Variants in PTPRT observed in about 807,000 individuals in gnomAD.
PTPRT encodes receptor-type tyrosine-protein phosphatase T.
A neutral mutation model predicts 176.8 loss-of-function variants in PTPRT; 56 were observed. The observed-to-expected ratio is 0.32, with a 90% CI of 0.26 to 0.40. PTPRT has a LOEUF of 0.40. Among genes scored for constraint, PTPRT ranks in the 10% least tolerant of loss-of-function variants. The pLI is 1.00. For synonymous variants in PTPRT, 783 were observed against 739.0 expected, an observed-to-expected ratio of 1.06 and a Z score of -0.96; for missense variants, 1,540 against 1,908.2, an observed-to-expected ratio of 0.81 and a Z score of 3.60.
intron 1 of PTPRT, among the ~76,000 whole-genome samples, chr20:43,178,421 T>C (rs77790948): frequency 0.043 from 6,485 of 152,236 alleles, 192 homozygotes; most frequent in Non-Finnish European, 0.066. Context: ...ATTTCTGAGC[T>C]GAAAGCCACT....
intron 16 of PTPRT, among the ~76,000 whole-genome samples, chr20:42,189,487 T>C (rs1990910163): frequency 6.6e-6 from 1 of 152,196 alleles, no homozygotes; most frequent in Non-Finnish European, 1.5e-5. Context: ...CTAAAATGCT[T>C]GGCATAGAGT....
chr20:42,390,672 G>A (rs560416002), intron 9 of PTPRT, among the ~76,000 whole-genome samples: 34 of 152,286 alleles, frequency 2.2e-4, no homozygotes, highest in African/African-American at 7.2e-4. Flanking sequence ...TATTGGAAGT[G>A]GATCCCCCAG....
rs147797699 is a variant in PTPRT at position 42,525,076 on chromosome 20, C to T, written c.1154-52514G>A. ...GATTACTGATCACCGCAGCCTGTACCTCCCGGGCCCAAGCTATTCTTCCAC... is the reference window on the plus strand; with the variant it reads ...GATTACTGATCACCGCAGCCTGTACTTCCCGGGCCCAAGCTATTCTTCCAC... On this transcript the variant is annotated intron_variant, in intron 7 of 30. Coordinates refer to ENST00000373187, the MANE Select transcript of PTPRT (RefSeq NM_007050.6). Among the ~76,000 whole-genome samples the T allele has an allele frequency of 4.6e-3, 697 of 152,262 alleles. 4 individuals are homozygous for T. The highest frequency in any genetic ancestry group is 0.016 in the African/African-American group (665 of 41,542).
chr20:43,084,736 C>A (rs578176104), intron 1 of PTPRT, among the ~76,000 whole-genome samples: 1 of 152,014 alleles, frequency 6.6e-6, no homozygotes, highest in Non-Finnish European at 1.5e-5. Context: ...AAAAAATAAG[C>A]ATGTAGATAA....
In PTPRT at chr20:42,093,434, C is replaced by G. The variant is rs1296176863; in HGVS notation, c.3846+4987G>C. 2.0e-5 allele frequency among the ~76,000 whole-genome samples: 3 copies of G among 147,882 alleles called. No individual in the cohort carries two copies. In the East Asian group the frequency reaches 6.0e-4, roughly 30 times the overall value. Reference sequence around the variant, plus strand: ...GCCTTTATTTTGAGCCCTCATTGATCATAATTACCTTTGAACAGCAACCAC... The same window carrying G: ...GCCTTTATTTTGAGCCCTCATTGATGATAATTACCTTTGAACAGCAACCAC... On this transcript the variant is annotated intron_variant, in intron 27 of 30. Coordinates refer to ENST00000373187, the MANE Select transcript of PTPRT (RefSeq NM_007050.6).
intron 6 of PTPRT, among the ~76,000 whole-genome samples, chr20:42,683,848 T>A (rs1432960328): frequency 1.3e-5 from 2 of 152,210 alleles, no homozygotes; most frequent in Non-Finnish European, 2.9e-5. Flanking sequence ...CAAATTTATT[T>A]TACCTTGACA....
In PTPRT at chr20:42,615,497, C is replaced by T. The variant is rs1483226419; in HGVS notation, c.1153+62369G>A. Among the ~76,000 whole-genome samples, 15 of 138,954 alleles carry T rather than the reference C, an allele frequency of 1.1e-4. 3 individuals carry two copies. Among genetic ancestry groups the T allele is most frequent in the Non-Finnish European group, 2.3e-4 (15 of 65,904 alleles). The allele number at this position is 138,954 out of a possible 152,430, so 91.2% of individuals were successfully genotyped here. A position where few individuals can be genotyped will look rare whatever the true frequency, so the allele number is the denominator to read the frequency against. On this transcript the variant is annotated intron_variant, in intron 7 of 30. Coordinates refer to ENST00000373187, the MANE Select transcript of PTPRT (RefSeq NM_007050.6). ...AAATGGTATTTCTAGTTCTACATCCCTGAGGAATCGCCACAGTGACTTCTA... is the reference window on the plus strand; with the variant it reads ...AAATGGTATTTCTAGTTCTACATCCTTGAGGAATCGCCACAGTGACTTCTA...
intron 13 of PTPRT, among the ~76,000 whole-genome samples, chr20:42,267,007 G>C (rs2056849564): frequency 1.3e-5 from 2 of 152,112 alleles, no homozygotes; most frequent in Non-Finnish European, 2.9e-5. Flanking sequence ...TAATTTTGCT[G>C]CATATAATAA....
At chr20:42,989,092 A>AT (rs1983753696) in intron 1 of PTPRT, among the ~76,000 whole-genome samples, 1 of 152,260 alleles carries the variant, frequency 6.6e-6, no homozygotes, top group East Asian at 1.9e-4. Flanking sequence ...GGCAAATGCC[A>AT]TCAGATTGGC....
At chr20:42,864,966 C>G (rs1247087551) in intron 2 of PTPRT, among the ~76,000 whole-genome samples, 1 of 152,138 alleles carries the variant, frequency 6.6e-6, no homozygotes, top group Non-Finnish European at 1.5e-5. Context: ...TGCCATCACC[C>G]AGAAAAGAAA....
intron 15 of PTPRT, among the ~76,000 whole-genome samples, chr20:42,218,238 C>A (rs1257645711): frequency 1.3e-5 from 2 of 152,158 alleles, no homozygotes. Flanking sequence ...AAAATGCTAA[C>A]TGGATTACAT....
chr20:42,233,897 T>C (rs893671499), intron 15 of PTPRT, among the ~76,000 whole-genome samples: 4 of 152,214 alleles, frequency 2.6e-5, no homozygotes, highest in African/African-American at 7.2e-5. Flanking sequence ...GTGTTTATCA[T>C]TGCACCTTCA....
chr20:42,966,697 C>T (rs770349557), intron 1 of PTPRT, among the ~76,000 whole-genome samples: 3 of 152,134 alleles, frequency 2.0e-5, no homozygotes, highest in Non-Finnish European at 2.9e-5. Context: ...CAGAGTTCTG[C>T]CAACATTATT....
At chr20:42,120,023 A>G in intron 19 of PTPRT, 52 bp from the exon 20 acceptor site, 1 of 1,504,190 alleles carries the variant, frequency 6.6e-7, no homozygotes, top group Non-Finnish European at 9.1e-7. Context: ...AAGCTTGCAA[A>G]CAGCACAATA....
chr20:43,110,993 C>G (rs1324004376), intron 1 of PTPRT, among the ~76,000 whole-genome samples: 2 of 152,108 alleles, frequency 1.3e-5, no homozygotes, highest in Admixed American at 6.5e-5. Flanking sequence ...AACAACAAAT[C>G]CATCCAATAT....
intron 5 of PTPRT, among the ~76,000 whole-genome samples, chr20:42,766,342 A>T (rs1317571516): frequency 6.6e-6 from 1 of 152,232 alleles, no homozygotes; most frequent in Non-Finnish European, 1.5e-5. Context: ...AGGAGAAATG[A>T]TCCCAGGACA....
chr20:42,934,069 A>T (rs917511172), intron 1 of PTPRT, among the ~76,000 whole-genome samples: 6 of 152,222 alleles, frequency 3.9e-5, no homozygotes, highest in African/African-American at 1.4e-4. Flanking sequence ...GCAGTGACAC[A>T]CGTTGGAATT....
At chr20:43,085,505 C>T (rs183053402) in intron 1 of PTPRT, among the ~76,000 whole-genome samples, 44 of 152,232 alleles carry the variant, frequency 2.9e-4, no homozygotes, top group Non-Finnish European at 4.9e-4. Context: ...AAGACATACC[C>T]GAGACTGGGA....
chr20:42,777,244 A>T (rs886270174), intron 4 of PTPRT, among the ~76,000 whole-genome samples: 4 of 152,086 alleles, frequency 2.6e-5, no homozygotes, highest in African/African-American at 7.2e-5. Context: ...ATGCTGCCCA[A>T]AGTCCAGGCT....
Sources: allele counts gnomAD v4.1 joint callset (sites outside exome capture counted in the v4.1 genomes callset), GRCh38; gene constraint gnomAD v4.1.1; transcripts MANE v1.5; gene names NCBI Gene and HGNC (gene_info 2026-07-23, HGNC 2026-07-21).